NOX4: variants seen among roughly 807,000 people sequenced by gnomAD.
NOX4 encodes the protein kidney oxidase-1.
A neutral mutation model predicts 87.6 loss-of-function variants in NOX4; 69 were observed. The ratio of observed to expected loss-of-function variants is 0.79; its 90% confidence interval spans 0.65 to 0.96. The LOEUF is 0.96. Ranked by LOEUF, NOX4 falls within the 40% of genes least tolerant of loss-of-function variation. The probability of loss-of-function intolerance (pLI) is 0.00; values close to 1 mark genes in which losing one functional copy is unlikely to be tolerated. For missense variants in NOX4, 680 were observed against 681.5 expected, an observed-to-expected ratio of 1.00 and a Z score of 0.02; for synonymous variants, 275 against 238.2, an observed-to-expected ratio of 1.15 and a Z score of -1.42.
upstream of NOX4, among the ~76,000 whole-genome samples, chr11:89,502,174 G>C (rs1026863755): frequency 1.3e-5 from 2 of 151,982 alleles, no homozygotes; most frequent in East Asian, 3.9e-4. Flanking sequence ...GGACACCTGG[G>C]TTGTTAGAAG....
At chr11:89,345,205 A>C (rs1264863272) in intron 13 of NOX4, among the ~76,000 whole-genome samples, 1 of 152,166 alleles carries the variant, frequency 6.6e-6, no homozygotes, top group East Asian at 1.9e-4. Flanking sequence ...CTGACTCAGA[A>C]GTCTGAGCAT....
intron 13 of NOX4, among the ~76,000 whole-genome samples, chr11:89,352,225 A>C (rs894453648): frequency 4.6e-5 from 7 of 152,202 alleles, no homozygotes; most frequent in Non-Finnish European, 1.0e-4. Flanking sequence ...CAATCTATCC[A>C]TGTATCAAAA....
chr11:89,551,084 A>C, the NOX4 span, among the ~76,000 whole-genome samples: 1 of 152,190 alleles, frequency 6.6e-6, no homozygotes, highest in South Asian at 2.1e-4. Context: ...GTCAAAGATC[A>C]GATGGTTGTA....
the NOX4 span, among the ~76,000 whole-genome samples, chr11:89,527,175 G>A: frequency 0.38 from 57,655 of 151,944 alleles, 11,208 homozygotes; most frequent in African/African-American, 0.45. Flanking sequence ...GGTATCTGGT[G>A]GAAGAAACTT....
chr11:89,422,031 A>T, intron 7 of NOX4, 49 bp from the exon 8 acceptor site: 1 of 999,044 alleles, frequency 1.0e-6, no homozygotes, highest in Non-Finnish European at 1.5e-6. Context: ...ATTCCATCTT[A>T]CTAAAAATAT....
At chr11:89,581,070 G>C in the NOX4 span, among the ~76,000 whole-genome samples, 17 of 152,264 alleles carry the variant, frequency 1.1e-4, no homozygotes, top group African/African-American at 3.9e-4. Flanking sequence ...TGTGTCTGAG[G>C]GTTGACAGGT....
At chr11:89,455,912 G>A (rs1253989544) in intron 2 of NOX4, among the ~76,000 whole-genome samples, 1 of 152,010 alleles carries the variant, frequency 6.6e-6, no homozygotes, top group Non-Finnish European at 1.5e-5. Flanking sequence ...AGAATAGGCT[G>A]AGAAGAGTAG....
At chr11:89,344,154 G>T (rs1180920079) in intron 13 of NOX4, among the ~76,000 whole-genome samples, 1 of 150,528 alleles carries the variant, frequency 6.6e-6, no homozygotes, top group Non-Finnish European at 1.5e-5. Context: ...TAAAAGTAAA[G>T]GTTTGTAATT....
At chr11:89,338,867 C>A (rs1945846583) in intron 15 of NOX4, among the ~76,000 whole-genome samples, 1 of 152,144 alleles carries the variant, frequency 6.6e-6, no homozygotes, top group African/African-American at 2.4e-5. Context: ...ACACTCTCTA[C>A]TGTTTACGCT....
chr11:89,427,812 A>G (rs1943525368), intron 7 of NOX4, among the ~76,000 whole-genome samples: 2 of 152,232 alleles, frequency 1.3e-5, no homozygotes, highest in African/African-American at 4.8e-5. Flanking sequence ...ATTATCCAGG[A>G]GAACTTCCCC....
chr11:89,481,944 C>T (rs1412802585), intron 2 of NOX4, among the ~76,000 whole-genome samples: 1 of 152,010 alleles, frequency 6.6e-6, no homozygotes, highest in East Asian at 1.9e-4. Flanking sequence ...AAAGTAGTTC[C>T]TCAATATTCC....
intron 17 of NOX4, among the ~76,000 whole-genome samples, chr11:89,328,734 T>C (rs373088006): frequency 6.6e-6 from 1 of 152,146 alleles, no homozygotes; most frequent in East Asian, 1.9e-4. Context: ...TGTGACTGCA[T>C]TTGGAGATAA....
rs188988930 is a variant in NOX4 at position 89,358,202 on chromosome 11, T to C, written c.1136-3159A>G. 3.3e-5 allele frequency among the ~76,000 whole-genome samples: 5 copies of C among 151,780 alleles called. No individual in the cohort carries two copies. In the East Asian group the frequency reaches 7.8e-4, roughly 24 times the overall value. On this transcript the variant is annotated intron_variant, in intron 12 of 17. Coordinates refer to ENST00000263317, the MANE Select transcript of NOX4 (RefSeq NM_016931.5). ...GAGTTTGAGACCAGCCTGACCAACATGGTGAAACCCTGTCTCTACTAAAAA... is the reference window on the plus strand; with the variant it reads ...GAGTTTGAGACCAGCCTGACCAACACGGTGAAACCCTGTCTCTACTAAAAA...
At chr11:89,477,799 T>G (rs1565340026) in intron 2 of NOX4, among the ~76,000 whole-genome samples, 1 of 152,094 alleles carries the variant, frequency 6.6e-6, no homozygotes, top group African/African-American at 2.4e-5. Flanking sequence ...GGCCAAGAAT[T>G]TGGGAGCTAA....
At chr11:89,385,220 G>C (rs1037453073) in intron 11 of NOX4, among the ~76,000 whole-genome samples, 1 of 152,098 alleles carries the variant, frequency 6.6e-6, no homozygotes, top group Non-Finnish European at 1.5e-5. Flanking sequence ...ACTATGCAAG[G>C]TTCCTCCATC....
chr11:89,386,945 G>A (rs1940754968), intron 11 of NOX4, among the ~76,000 whole-genome samples: 1 of 151,812 alleles, frequency 6.6e-6, no homozygotes, highest in Admixed American at 6.6e-5. Context: ...CCATATCCAG[G>A]CCCTCACCAA....
chr11:89,452,658 A>G (rs1945016524), intron 2 of NOX4, among the ~76,000 whole-genome samples: 1 of 152,118 alleles, frequency 6.6e-6, no homozygotes, highest in African/African-American at 2.4e-5. Context: ...AAGCTATTTT[A>G]CATATCCATC....
At chr11:89,363,927 G>A (rs1171407838) in intron 12 of NOX4, among the ~76,000 whole-genome samples, 1 of 151,986 alleles carries the variant, frequency 6.6e-6, no homozygotes, top group African/African-American at 2.4e-5. Context: ...TCTCAAATTA[G>A]TACTACTTTA....
At chr11:89,533,701 C>T in the NOX4 span, 1 of 152,162 alleles carries the variant, frequency 6.6e-6, no homozygotes, top group Non-Finnish European at 1.5e-5. Flanking sequence ...AACTAGAGCC[C>T]CATCTCTGAA....
Sources: allele counts gnomAD v4.1 joint callset (sites outside exome capture counted in the v4.1 genomes callset), GRCh38; gene constraint gnomAD v4.1.1; transcripts MANE v1.5; gene names NCBI Gene and HGNC (gene_info 2026-07-23, HGNC 2026-07-21).